ADAMTSL1: variants seen among roughly 807,000 people sequenced by gnomAD.
The protein encoded by ADAMTSL1 is ADAMTS like 1.
In ADAMTSL1, 126 loss-of-function variants were observed where a neutral mutation model predicts 201.8. The ratio of observed to expected loss-of-function variants is 0.62; its 90% confidence interval spans 0.54 to 0.72. The LOEUF (loss-of-function observed/expected upper bound fraction) is 0.72, where lower values mean the gene tolerates loss of function less well. Ranked by LOEUF, ADAMTSL1 falls within the 30% of genes least tolerant of loss-of-function variation. The probability of loss-of-function intolerance (pLI) is 0.00; values close to 1 mark genes in which losing one functional copy is unlikely to be tolerated. For synonymous variants in ADAMTSL1, 1,121 were observed against 903.4 expected, an observed-to-expected ratio of 1.24 and a Z score of -4.32; for missense variants, 2,679 against 2,277.8, an observed-to-expected ratio of 1.18 and a Z score of -3.59.
intron 1 of ADAMTSL1, among the ~76,000 whole-genome samples, chr9:18,022,398 C>T (rs1333604335): frequency 6.6e-6 from 1 of 152,092 alleles, no homozygotes; most frequent in Admixed American, 6.5e-5. Context: ...GGGTGGACAC[C>T]CCACACTATC....
intron 1 of ADAMTSL1, among the ~76,000 whole-genome samples, chr9:17,964,326 A>T (rs1201217465): frequency 6.6e-6 from 1 of 152,090 alleles, no homozygotes; most frequent in Non-Finnish European, 1.5e-5. Flanking sequence ...TTATTTACTG[A>T]AACTATATAT....
At chr9:18,659,606 A>G (rs531746008) in intron 8 of ADAMTSL1, among the ~76,000 whole-genome samples, 1 of 152,270 alleles carries the variant, frequency 6.6e-6, no homozygotes, top group East Asian at 1.9e-4. Context: ...GTCTCTACTA[A>G]AAATACAAAA....
intron 1 of ADAMTSL1, among the ~76,000 whole-genome samples, chr9:18,024,142 G>C (rs1193225776): frequency 1.3e-5 from 2 of 151,798 alleles, no homozygotes; most frequent in African/African-American, 4.8e-5. Context: ...TGGTAAAAAT[G>C]GATTGATATC....
At chr9:18,144,336 G>A (rs891657520) in intron 1 of ADAMTSL1, among the ~76,000 whole-genome samples, 1 of 151,992 alleles carries the variant, frequency 6.6e-6, no homozygotes, top group South Asian at 2.1e-4. Flanking sequence ...TTCCTGGGTA[G>A]CTGGGATTAC....
intron 23 of ADAMTSL1, among the ~76,000 whole-genome samples, chr9:18,865,714 A>C (rs1279767103): frequency 6.6e-6 from 1 of 152,180 alleles, no homozygotes; most frequent in Admixed American, 6.5e-5. Flanking sequence ...GCCTAAAGAC[A>C]ATATTTTCTT....
intron 1 of ADAMTSL1, among the ~76,000 whole-genome samples, chr9:18,134,096 C>T (rs988282839): frequency 4.6e-5 from 7 of 152,144 alleles, no homozygotes; most frequent in Admixed American, 2.0e-4. Context: ...AATAAACTCC[C>T]ATTAAGCCAT....
At chr9:17,985,827 T>C (rs1225692812) in intron 1 of ADAMTSL1, among the ~76,000 whole-genome samples, 1 of 152,122 alleles carries the variant, frequency 6.6e-6, no homozygotes, top group Non-Finnish European at 1.5e-5. Context: ...GGAGTTTTTG[T>C]TAGTATGAAT....
rs77383145 is a variant in ADAMTSL1 at position 18,872,400 on chromosome 9, A to G, written c.4250-15431A>G. On this transcript the variant is annotated intron_variant, in intron 23 of 28. Coordinates refer to ENST00000380548, the MANE Select transcript of ADAMTSL1 (RefSeq NM_001040272.6). ...GTTTGGCTATATGGATAAGTTCTTC[A>G]GTGGCCTGATTTCTGAGATTTTGGT... 4.6e-3 allele frequency among the ~76,000 whole-genome samples: 705 copies of G among 152,236 alleles called. 10 individuals carry two copies. The highest frequency in any genetic ancestry group is 0.016 in the African/African-American group (651 of 41,558).
chr9:18,906,744 G>C lies in ADAMTSL1; in HGVS notation c.5014G>C (p.Val1672Leu), dbSNP rs1484659200. The C allele has an allele frequency of 3.7e-6, 6 of 1,613,456 alleles. No individual in the cohort carries two copies. In the South Asian group the frequency reaches 5.5e-5, roughly 15 times the overall value. ...WSEACSVHWR[V>L]SLWTLCTATC... ...AGAGGCCTGCAGTGTACACTGGAGA[G>C]TCAGCCTGTGGACCCTGTGCACAGC... The change falls in exon 28 of 29, where the codon GTC becomes CTC. Residue 1672 changes from valine (V) to leucine (L), a missense_variant. By Grantham distance (32) the Val-to-Leu change is conservative. Coordinates refer to ENST00000380548, the MANE Select transcript of ADAMTSL1 (RefSeq NM_001040272.6).
chr9:18,650,943 A>C (rs940752264), intron 7 of ADAMTSL1, among the ~76,000 whole-genome samples: 1 of 152,194 alleles, frequency 6.6e-6, no homozygotes, highest in African/African-American at 2.4e-5. Context: ...TGAGGGATTA[A>C]ATGAGATAAT....
intron 1 of ADAMTSL1, among the ~76,000 whole-genome samples, chr9:18,002,046 C>G (rs1819632474): frequency 6.6e-6 from 1 of 151,864 alleles, no homozygotes; most frequent in Non-Finnish European, 1.5e-5. Context: ...CTGTACTTTC[C>G]TACACTGAAA....
chr9:18,869,509 G>T (rs1157058414), intron 23 of ADAMTSL1, among the ~76,000 whole-genome samples: 1 of 152,168 alleles, frequency 6.6e-6, no homozygotes, highest in African/African-American at 2.4e-5. Context: ...TATGGCAAGA[G>T]AATAAATTCA....
intron 8 of ADAMTSL1, among the ~76,000 whole-genome samples, chr9:18,661,711 A>G (rs1055112638): frequency 6.6e-6 from 1 of 152,184 alleles, no homozygotes; most frequent in Non-Finnish European, 1.5e-5. Context: ...GTTCAAGCCT[A>G]ATTATATAAT....
intron 17 of ADAMTSL1, among the ~76,000 whole-genome samples, chr9:18,772,958 G>A (rs944795615): frequency 1.3e-4 from 20 of 152,192 alleles, no homozygotes; most frequent in South Asian, 2.1e-4. Context: ...TGGGAATGGT[G>A]GGAAGTAATC....
intron 9 of ADAMTSL1, among the ~76,000 whole-genome samples, chr9:18,664,072 G>A (rs1280231552): frequency 6.6e-6 from 1 of 152,042 alleles, no homozygotes; most frequent in Non-Finnish European, 1.5e-5. Flanking sequence ...GAAAAAATAG[G>A]CAAATGTCAG....
intron 23 of ADAMTSL1, among the ~76,000 whole-genome samples, chr9:18,851,349 G>A (rs554094336): frequency 6.6e-6 from 1 of 152,172 alleles, no homozygotes; most frequent in Non-Finnish European, 1.5e-5. Flanking sequence ...TATGATCGAG[G>A]AGGAAGGTTG....
chr9:18,676,688 T>C (rs909428794), intron 10 of ADAMTSL1, among the ~76,000 whole-genome samples: 2 of 152,084 alleles, frequency 1.3e-5, no homozygotes, highest in Non-Finnish European at 2.9e-5. Context: ...CTATGCTCTA[T>C]TTTCTTTGCT....
chr9:18,598,649 T>C (rs1824427216), intron 4 of ADAMTSL1, among the ~76,000 whole-genome samples: 1 of 152,062 alleles, frequency 6.6e-6, no homozygotes, highest in Admixed American at 6.6e-5. Context: ...TCACCAACAA[T>C]GCAACATTCC....
chr9:18,892,317 G>A (rs776026079), intron 25 of ADAMTSL1, 72 bp from the exon 26 acceptor site: 129 of 1,450,168 alleles, frequency 8.9e-5, no homozygotes, highest in Non-Finnish European at 1.1e-4. Flanking sequence ...CAGGGATGTC[G>A]GTGGGGAGGA....
Sources: allele counts gnomAD v4.1 joint callset (sites outside exome capture counted in the v4.1 genomes callset), GRCh38; gene constraint gnomAD v4.1.1; transcripts MANE v1.5; gene names NCBI Gene and HGNC (gene_info 2026-07-23, HGNC 2026-07-21).